CLK1: variants seen among roughly 807,000 people sequenced by gnomAD.
The protein encoded by CLK1 is dual specificity protein kinase CLK1.
A neutral mutation model predicts 60.9 loss-of-function variants in CLK1; 40 were observed. That is an observed-to-expected ratio of 0.66 (90% CI 0.51 to 0.86). The LOEUF is 0.86. Ranked by LOEUF, CLK1 falls within the 40% of genes least tolerant of loss-of-function variation. The probability of loss-of-function intolerance (pLI) is 0.00; values close to 1 mark genes in which losing one functional copy is unlikely to be tolerated. For missense variants in CLK1, 563 were observed against 606.1 expected (o/e 0.93, Z 0.75); for synonymous variants, 203 against 184.4 (o/e 1.10, Z -0.82).
intron 2 of CLK1, 39 bp downstream of exon 2, chr2:200,861,663 T>C (rs1575081112): frequency 6.2e-7 from 1 of 1,603,900 alleles, no homozygotes; most frequent in Non-Finnish European, 8.5e-7. Flanking sequence ...TGTCTAGTAA[T>C]GTATTGTTAT....
intron 6 of CLK1, 22 bp from the exon 7 acceptor site, chr2:200,857,906 C>G: frequency 1.9e-6 from 3 of 1,611,834 alleles, no homozygotes; most frequent in Non-Finnish European, 8.5e-7. Flanking sequence ...TGAAAAATAG[C>G]TAAGTATAGT....
At chr2:200,856,360 G>A (rs926078275) in intron 9 of CLK1, among the ~76,000 whole-genome samples, 3 of 151,952 alleles carry the variant, frequency 2.0e-5, no homozygotes, top group Middle Eastern at 3.4e-3. Context: ...GTGAGCCACC[G>A]CGCCCCACCC....
rs2039050788 is a variant in CLK1, at chr2:200,856,791, T to C, written c.948A>G (p.Leu316=). 1.2e-6 allele frequency: 2 copies of C among 1,613,574 alleles called. No individual in the cohort carries two copies. Residue 316 remains leucine (L), a synonymous_variant, in exon 9 of 13, where the codon TTA becomes TTG. Transcript: ENST00000321356. ...CTACAACTTTAATATCTGGATTTAT[T>C]AAGGTGCGTTCATCACGTTTCTGAA... ...NPKIKRDERT[L]INPDIKVVDF...
intron 1 of CLK1, among the ~76,000 whole-genome samples, chr2:200,862,616 A>G (rs940463678): frequency 1.3e-5 from 2 of 152,242 alleles, no homozygotes; most frequent in Non-Finnish European, 2.9e-5. Context: ...CAGGTGAAAT[A>G]AACAGCCATG....
rs373097969 is a variant in CLK1 at position 200,861,952 on chromosome 2, G to GT, written c.1-91dup. 3.9e-4 allele frequency: 388 copies of GT among 1,006,116 alleles called. 4 individuals are homozygous for GT. The highest frequency in any genetic ancestry group is 3.3e-3 in the Middle Eastern group (15 of 4,564). The allele number at this position is 1,006,116 out of a possible 1,614,324, so 62.3% of individuals were successfully genotyped here. A position where few individuals can be genotyped will look rare whatever the true frequency, so the allele number is the denominator to read the frequency against. On this transcript the variant is annotated intron_variant, in intron 1 of 12. Transcript: ENST00000321356. ...ATTACAAAGGTCCCCTCGTGACCTC[G>GT]TTTTAAGACCAAAATTCAAGAATCA...
At position 200,853,288 on chromosome 2, in the gene CLK1, A is replaced by C. The variant is rs2038975299; in HGVS notation, c.*18T>G. 1 of 1,584,802 alleles carries C rather than the reference A, an allele frequency of 6.3e-7. No individual in the cohort carries two copies. Among genetic ancestry groups the C allele is most frequent in the African/African-American group, 1.4e-5 (1 of 73,478 alleles). ...ACAGTCTGTAAGATCTCTTCGAGAG[A>C]GCTGTCCAATTACAGATCTATATAC... is the stretch of plus-strand genomic sequence containing the variant. On this transcript the variant is annotated 3_prime_UTR_variant, in exon 13 of 13. Coordinates refer to ENST00000321356, the MANE Select transcript of CLK1 (RefSeq NM_004071.4).
chr2:200,861,546 T>C lies in CLK1; in HGVS notation c.162-80A>G, dbSNP rs1433298152. The C allele has an allele frequency of 2.6e-6, 4 of 1,567,856 alleles. No individual in the cohort carries two copies. In the Admixed American group the frequency reaches 7.5e-5, roughly 29 times the overall value. On this transcript the variant is annotated intron_variant, in intron 2 of 12. Coordinates refer to ENST00000321356, the MANE Select transcript of CLK1 (RefSeq NM_004071.4). ...ATTCTCTTCAAGACAGCACCTAGAC[T>C]CCCCCACAAGCAGCTTAATTTTACA...
At chr2:200,864,171 G>A (rs144793807) in intron 1 of CLK1, 4 of 1,550,880 alleles carry the variant, frequency 2.6e-6, no homozygotes, top group Admixed American at 2.0e-5. Flanking sequence ...CCCCCTCAAC[G>A]GGGAGCCTCG....
At chr2:200,856,370 C>G (rs1468214196) in intron 9 of CLK1, among the ~76,000 whole-genome samples, 11 of 151,802 alleles carry the variant, frequency 7.2e-5, no homozygotes, top group African/African-American at 2.7e-4. Flanking sequence ...GCGCCCCACC[C>G]TTGGCCTCCC....
At chr2:200,853,613 GGT>G (rs371613802) in intron 12 of CLK1, among the ~76,000 whole-genome samples, 164 bp from the exon 13 acceptor site, 1 of 149,180 alleles carries the variant, frequency 6.7e-6, no homozygotes, top group African/African-American at 2.5e-5. Context: ...GGCCAAGGCA[GGT>G]GGATCACTTG....
rs55989135 is a variant in CLK1 at position 200,861,446 on chromosome 2, G to T, written c.182C>A (p.Ser61Tyr). 27 of 1,612,852 alleles carry T rather than the reference G, an allele frequency of 1.7e-5. No individual in the cohort carries two copies. The highest frequency in any genetic ancestry group is 4.2e-6 in the Non-Finnish European group (5 of 1,179,692). Reference protein sequence around the residue: ...MCDSHYLESRSINEKDYHSRR... With the variant: ...MCDSHYLESRYINEKDYHSRR... ...ACTATGATAATCTTTCTCATTTATAGACCTGCTTTCCAAATAATGGCTAGA... is the reference window on the plus strand; with the variant it reads ...ACTATGATAATCTTTCTCATTTATATACCTGCTTTCCAAATAATGGCTAGA... The change falls in exon 3 of 13, where the codon TCT (serine) becomes TAT (tyrosine). Residue 61 changes from serine (S) to tyrosine (Y), a missense_variant. By Grantham distance (144) the Ser-to-Tyr change is moderately radical. Around this residue, in one of 3 missense-constraint regions of CLK1, gnomAD observed 198 missense variants for 179.2 expected, o/e 1.10. Coordinates refer to ENST00000321356, the MANE Select transcript of CLK1 (RefSeq NM_004071.4).
rs1360390079 is a variant in CLK1, at chr2:200,857,903, T to C, written c.666-19A>G. The C allele has an allele frequency of 6.2e-7, 1 of 1,611,456 alleles. No individual in the cohort carries two copies. Among genetic ancestry groups the C allele is most frequent in the Non-Finnish European group, 8.5e-7 (1 of 1,178,312 alleles). ...ACAGCGGCTACAAACACATGAAAAATAGCTAAGTATAGTTGCTCCTAATTT... is the reference window on the plus strand; with the variant it reads ...ACAGCGGCTACAAACACATGAAAAACAGCTAAGTATAGTTGCTCCTAATTT... On this transcript the variant is annotated intron_variant, in intron 6 of 12. Transcript: ENST00000321356.
chr2:200,862,658 C>A (rs2039159791), intron 1 of CLK1, among the ~76,000 whole-genome samples: 1 of 152,244 alleles, frequency 6.6e-6, no homozygotes, highest in Non-Finnish European at 1.5e-5. Context: ...TTAGTGGTCT[C>A]TTCACAGACA....
chr2:200,858,747 C>A (rs1463500808), intron 5 of CLK1, among the ~76,000 whole-genome samples: 1 of 151,314 alleles, frequency 6.6e-6, no homozygotes, highest in African/African-American at 2.4e-5. Context: ...ATGTCCTTAC[C>A]AATCAATAGT....
At position 200,853,156 on chromosome 2, in the gene CLK1, G is replaced by A. The variant is rs751735466; in HGVS notation, c.*150C>T. Reference sequence around the variant, plus strand: ...AAAAGATGTTCATTACCTTAGCTATGTACTTAATGAACCAAATTACCCAAA... The same window carrying A: ...AAAAGATGTTCATTACCTTAGCTATATACTTAATGAACCAAATTACCCAAA... On this transcript the variant is annotated 3_prime_UTR_variant, in exon 13 of 13. Coordinates refer to ENST00000321356, the MANE Select transcript of CLK1 (RefSeq NM_004071.4). 9.0e-6 allele frequency: 5 copies of A among 556,646 alleles called. No homozygotes were observed. Among genetic ancestry groups the A allele is most frequent in the Non-Finnish European group, 1.5e-5 (5 of 324,580 alleles). 34.5% of individuals were successfully genotyped at this position (556,646 alleles called of 1,614,324 possible).
chr2:200,855,042 T>C lies in CLK1; in HGVS notation c.1102A>G (p.Ile368Val), dbSNP rs377039077. Residue 368 changes from isoleucine (I) to valine (V), a missense_variant, in exon 10 of 13, where the codon ATT becomes GTT. Around this residue, in one of 3 missense-constraint regions of CLK1, gnomAD observed 360 missense variants for 407.0 expected, o/e 0.88. Transcript: ENST00000321356. ...QPCDVWSIGC[I>V]LIEYYLGFTV... ...AACCCAAGATAGTATTCAATAAGAA[T>C]GCATCCTATGCTCCAGACATCACAT... is the stretch of plus-strand genomic sequence containing the variant. 7 of 1,613,002 alleles carry C rather than the reference T, an allele frequency of 4.3e-6. No individual in the cohort carries two copies. The highest frequency in any genetic ancestry group is 5.9e-6 in the Non-Finnish European group (7 of 1,179,712).
At chr2:200,860,027 AAGAG>A (rs1485107673) in intron 4 of CLK1, 94 bp downstream of exon 4, 82 of 1,508,180 alleles carry the variant, frequency 5.4e-5, no homozygotes, top group Admixed American at 4.0e-4. Flanking sequence ...AAAAACAAAA[AAGAG>A]AAAGAAAAAA....
chr2:200,857,416 G>T, intron 7 of CLK1: 1 of 276,218 alleles, frequency 3.6e-6, no homozygotes, highest in Non-Finnish European at 6.8e-6. Context: ...CTCTTATGAA[G>T]CTTTCTTTTA....
At chr2:200,856,306 G>A (rs2039042182) in intron 9 of CLK1, among the ~76,000 whole-genome samples, 1 of 152,194 alleles carries the variant, frequency 6.6e-6, no homozygotes, top group South Asian at 2.1e-4. Flanking sequence ...TCCTGACCAT[G>A]TGGTCTGCCC....
Sources: gnomAD v4.1 joint callset for allele counts (sites outside exome capture counted in the v4.1 genomes callset) on GRCh38, gnomAD v4.1.1 for gene constraint, gnomAD v4.1.1 regional missense constraint, MANE v1.5 for transcripts, NCBI Gene and HGNC (gene_info 2026-07-23, HGNC 2026-07-21) for gene names.